SCOC: variants seen among roughly 807,000 people sequenced by gnomAD.
The protein encoded by SCOC is short coiled coil protein.
SCOC carries 7 observed loss-of-function variants against 9.9 expected under a neutral mutation model. The ratio of observed to expected loss-of-function variants is 0.71; its 90% CI spans 0.40 to 1.33. The LOEUF (loss-of-function observed/expected upper bound fraction) is 1.33. Among genes scored for constraint, SCOC ranks in the 40% most tolerant of loss-of-function variants. The pLI is 0.01. For synonymous variants in SCOC, 19 were observed against 28.2 expected, an observed-to-expected ratio of 0.67 and a Z score of 1.03; for missense variants, 66 against 89.7, an observed-to-expected ratio of 0.74 and a Z score of 1.07.
intron 2 of SCOC, chr4:140,366,183 CTT>C (rs869298297): frequency 0.014 from 129 of 9,338 alleles, no homozygotes; most frequent in East Asian, 0.022. Flanking sequence ...TTCTTTCTTT[CTT>C]TTTTTTTTTT....
chr4:140,274,306 C>T (rs962525297), intron 1 of SCOC, among the ~76,000 whole-genome samples: 8 of 152,028 alleles, frequency 5.3e-5, no homozygotes, highest in Non-Finnish European at 7.4e-5. Flanking sequence ...GGAAGACTTT[C>T]GCTTTACTTT....
At chr4:140,350,896 C>T (rs1433153330) in intron 2 of SCOC, among the ~76,000 whole-genome samples, 1 of 152,056 alleles carries the variant, frequency 6.6e-6, no homozygotes, top group Non-Finnish European at 1.5e-5. Flanking sequence ...TCCTAAAAGG[C>T]TCTGAGATCT....
intron 1 of SCOC, among the ~76,000 whole-genome samples, chr4:140,330,748 C>T (rs1188797917): frequency 6.6e-6 from 1 of 152,070 alleles, no homozygotes; most frequent in Non-Finnish European, 1.5e-5. Flanking sequence ...TAATAAATGC[C>T]TTGTGAGGAT....
chr4:140,326,935 T>C (rs1410485478), intron 1 of SCOC, among the ~76,000 whole-genome samples: 2 of 152,206 alleles, frequency 1.3e-5, no homozygotes, highest in East Asian at 3.8e-4. Flanking sequence ...GCAGCCATGA[T>C]AAATGTTGGA....
intron 2 of SCOC, among the ~76,000 whole-genome samples, chr4:140,365,795 T>C (rs1727767780): frequency 6.6e-6 from 1 of 152,242 alleles, no homozygotes; most frequent in South Asian, 2.1e-4. Flanking sequence ...TTCTTTTCTC[T>C]AGCTTACTTT....
chr4:140,276,547 G>T (rs1468569218), intron 1 of SCOC, among the ~76,000 whole-genome samples: 2 of 151,930 alleles, frequency 1.3e-5, no homozygotes, highest in Non-Finnish European at 2.9e-5. Flanking sequence ...CACTGCCTCG[G>T]GGGTTCAAGC....
rs185857965 is a variant in SCOC, at chr4:140,332,774, C to T, written c.-18-10847C>T. On this transcript the variant is annotated intron_variant, in intron 1 of 4. Transcript: ENST00000394205. ...TGTCCAGGATTTGACTACTTTATAC[C>T]ACCTCAACAGCGACCACTCAAGTCC... Among the ~76,000 whole-genome samples the T allele has an allele frequency of 2.0e-5, 3 of 152,126 alleles. No homozygotes were observed. In the East Asian group the frequency reaches 5.8e-4, roughly 29 times the overall value.
At chr4:140,286,161 G>A (rs1389487523) in intron 1 of SCOC, among the ~76,000 whole-genome samples, 10 of 151,388 alleles carry the variant, frequency 6.6e-5, no homozygotes, top group African/African-American at 2.4e-4. Context: ...TCCAGCCTGG[G>A]TGACAGAGCG....
At chr4:140,362,302 T>TTCTTCTTCTTCTTCTTCTTCTTC (rs1727582964) in intron 2 of SCOC, among the ~76,000 whole-genome samples, 35 of 27,838 alleles carry the variant, frequency 1.3e-3, no homozygotes, top group African/African-American at 1.7e-3. Flanking sequence ...TCTTCTTCTT[T>TTCTTCTTCTTCTTCTTCTTCTTC]TTTTTTTTTT....
intron 1 of SCOC, among the ~76,000 whole-genome samples, chr4:140,309,237 A>C (rs1167043693): frequency 6.6e-6 from 1 of 152,198 alleles, no homozygotes; most frequent in Non-Finnish European, 1.5e-5. Context: ...ATGCACTTTT[A>C]ATTCTAGAGC....
intron 1 of SCOC, among the ~76,000 whole-genome samples, chr4:140,300,031 T>C (rs1360702334): frequency 6.6e-6 from 1 of 152,150 alleles, no homozygotes; most frequent in Non-Finnish European, 1.5e-5. Context: ...ACATTGTTCC[T>C]TCTCATTTTC....
At chr4:140,369,822 T>C (rs1727965902), upstream of SCOC, among the ~76,000 whole-genome samples, 1 of 150,792 alleles carries the variant, frequency 6.6e-6, no homozygotes, top group East Asian at 1.9e-4. Context: ...GTGGTTTCTA[T>C]TTGTACTTAT....
At chr4:140,270,713 T>C (rs1478962758) in intron 1 of SCOC, among the ~76,000 whole-genome samples, 1 of 152,022 alleles carries the variant, frequency 6.6e-6, no homozygotes, top group Non-Finnish European at 1.5e-5. Flanking sequence ...GGGCTTTAGA[T>C]TGGTTGGTTT....
intron 2 of SCOC, among the ~76,000 whole-genome samples, chr4:140,344,802 C>T (rs1489812783): frequency 2.0e-5 from 3 of 152,202 alleles, no homozygotes; most frequent in Non-Finnish European, 2.9e-5. Flanking sequence ...TGTTTCTTAG[C>T]TTCGGGAGGC....
chr4:140,258,637 G>T (rs1056668787), intron 1 of SCOC, among the ~76,000 whole-genome samples: 3 of 152,120 alleles, frequency 2.0e-5, no homozygotes, highest in Admixed American at 6.5e-5. Context: ...CTGAAGAAGC[G>T]CTTTAGATTG....
At chr4:140,379,527 C>A in intron 2 of SCOC, 42 bp from the exon 3 acceptor site, 1 of 1,396,630 alleles carries the variant, frequency 7.2e-7, no homozygotes. Context: ...CACAAATGTA[C>A]CTAATGCTAA....
chr4:140,290,980 A>G (rs1731453543), intron 1 of SCOC, among the ~76,000 whole-genome samples: 1 of 152,250 alleles, frequency 6.6e-6, no homozygotes, highest in Admixed American at 6.5e-5. Flanking sequence ...TATAGATGGC[A>G]TAACCTTGTT....
At chr4:140,293,333 G>A (rs936960238) in intron 1 of SCOC, 13 of 456,714 alleles carry the variant, frequency 2.8e-5, no homozygotes, top group Non-Finnish European at 4.8e-5. Flanking sequence ...TTTACTGCCT[G>A]TTTCCTCACG....
upstream of SCOC, among the ~76,000 whole-genome samples, chr4:140,368,865 C>G (rs1277557204): frequency 6.6e-6 from 1 of 152,138 alleles, no homozygotes; most frequent in Non-Finnish European, 1.5e-5. Context: ...GAAGAAAAGG[C>G]AGCTTCTTGC....
Sources: allele counts gnomAD v4.1 joint callset (sites outside exome capture counted in the v4.1 genomes callset), GRCh38; gene constraint gnomAD v4.1.1; transcripts MANE v1.5; gene names NCBI Gene and HGNC (gene_info 2026-07-23, HGNC 2026-07-21).